The following BCO1 variants were observed in gnomAD, a reference collection of about 807,000 sequenced individuals.
BCO1 encodes the protein beta-carotene oxygenase 1.
A neutral mutation model predicts 56.3 loss-of-function variants in BCO1; 54 were observed. The ratio of observed to expected loss-of-function variants is 0.96; its 90% CI spans 0.77 to 1.20. The LOEUF (loss-of-function observed/expected upper bound fraction) is 1.20. Ranked by LOEUF, BCO1 falls within the 50% of genes most tolerant of loss-of-function variation. The pLI, the probability that BCO1 is intolerant of heterozygous loss-of-function variation, is 0.00. For missense variants in BCO1, 801 were observed against 690.9 expected (o/e 1.16, Z -1.79); for synonymous variants, 318 against 266.1 (o/e 1.20, Z -1.90).
At chr16:81,261,805 C>G (rs1469530670) in intron 3 of BCO1, 1 of 340,026 alleles carries the variant, frequency 2.9e-6, no homozygotes, top group African/African-American at 2.1e-5. Context: ...GTAGTGGCGC[C>G]ATCTCGGTTC....
In BCO1 at chr16:81,287,299, TAA is replaced by T; in HGVS notation, c.1310_1311del (p.Lys437IlefsTer2). The T allele has an allele frequency of 6.2e-7, 1 of 1,611,046 alleles. No individual in the cohort carries two copies. Among genetic ancestry groups the T allele is most frequent in the Non-Finnish European group, 8.5e-7 (1 of 1,177,194 alleles). ...TTTTCCTCGTTGGATGTACAGATAA[TAA>T]AATATGACATTCTCACAAAGTCATC... On this transcript the variant is annotated frameshift_variant, in exon 10 of 11. Coordinates refer to ENST00000258168, the MANE Select transcript of BCO1 (RefSeq NM_017429.3). LOFTEE classifies it high-confidence loss of function.
intron 1 of BCO1, 117 bp downstream of exon 1, chr16:81,239,089 C>A: frequency 2.4e-6 from 2 of 828,346 alleles, no homozygotes; most frequent in Non-Finnish European, 3.8e-6. Context: ...TGATCTCGGC[C>A]CACTGCAACC....
At chr16:81,277,262 C>T (rs1043715617) in intron 7 of BCO1, among the ~76,000 whole-genome samples, 1 of 152,024 alleles carries the variant, frequency 6.6e-6, no homozygotes, top group Admixed American at 6.6e-5. Flanking sequence ...CTTGTACTCT[C>T]CTCCTGGCTC....
intron 7 of BCO1, among the ~76,000 whole-genome samples, chr16:81,271,674 A>G (rs1272354494): frequency 6.6e-6 from 1 of 152,156 alleles, no homozygotes; most frequent in African/African-American, 2.4e-5. Context: ...CCTTTCACAC[A>G]GCACAGTGTT....
At position 81,259,744 on chromosome 16, in the gene BCO1, A is replaced by T; in HGVS notation, c.262A>T (p.Ile88Phe). The change falls in exon 3 of 11, where the codon ATT becomes TTT. Residue 88 changes from isoleucine (I) to phenylalanine (F), a missense_variant. Transcript: ENST00000258168. ...TYNTNIEANR[I>F]VVSEFGTMAY... ...CAACACCAATATTGAGGCAAACAGGATTGTGGTGTCTGAGTTTGGAACAAT... is the reference window on the plus strand; with the variant it reads ...CAACACCAATATTGAGGCAAACAGGTTTGTGGTGTCTGAGTTTGGAACAAT... 2 of 1,614,214 alleles carry T rather than the reference A, an allele frequency of 1.2e-6. No individual in the cohort carries two copies. Among genetic ancestry groups the T allele is most frequent in the Non-Finnish European group, 1.7e-6 (2 of 1,180,026 alleles).
At chr16:81,261,931 A>T (rs978266540) in intron 3 of BCO1, 2 of 539,208 alleles carry the variant, frequency 3.7e-6, no homozygotes, top group Non-Finnish European at 6.7e-6. Flanking sequence ...TTTAGTACAG[A>T]CGGGGTTTCA....
chr16:81,261,856 C>G, intron 3 of BCO1: 1 of 381,378 alleles, frequency 2.6e-6, no homozygotes, highest in Non-Finnish European at 5.1e-6. Context: ...ATTCTCCTGC[C>G]TCAGCCTCCC....
chr16:81,272,524 C>A (rs1261858603), intron 7 of BCO1, among the ~76,000 whole-genome samples: 2 of 152,184 alleles, frequency 1.3e-5, no homozygotes, highest in African/African-American at 4.8e-5. Flanking sequence ...GGCAGGGATT[C>A]ATCACCATTT....
intron 7 of BCO1, among the ~76,000 whole-genome samples, chr16:81,271,323 C>T (rs1259433728): frequency 2.0e-5 from 3 of 151,834 alleles, no homozygotes; most frequent in African/African-American, 7.3e-5. Flanking sequence ...CCATGTTGCT[C>T]AGGCTGTTCT....
At chr16:81,254,740 G>C (rs1399533813) in intron 2 of BCO1, among the ~76,000 whole-genome samples, 2 of 152,222 alleles carry the variant, frequency 1.3e-5, no homozygotes, top group African/African-American at 4.8e-5. Context: ...TACCCTGGAG[G>C]GGGAAGAGGT....
chr16:81,251,286 T>C (rs1253154242), intron 2 of BCO1, among the ~76,000 whole-genome samples: 2 of 148,284 alleles, frequency 1.3e-5, no homozygotes, highest in South Asian at 2.1e-4. Context: ...GGACCAGAGG[T>C]TGTGGTTCAT....
rs771181325 is a variant in BCO1 at position 81,245,559 on chromosome 16, G to A, written c.149G>A (p.Trp50Ter). Residue 50 changes from tryptophan to a stop codon, truncating the protein, a stop_gained, in exon 2 of 11, where the codon TGG becomes TAG. Coordinates refer to ENST00000258168, the MANE Select transcript of BCO1 (RefSeq NM_017429.3). LOFTEE classifies it high-confidence loss of function. Reference protein sequence around the residue: ...HTVGESRYNHWFDGLALLHSF... With the variant: ...HTVGESRYNH Reference sequence around the variant, plus strand: ...GTTGGGGAGTCCAGATACAACCATTGGTTCGACGGCCTTGCCCTGCTCCAC... The same window carrying A: ...GTTGGGGAGTCCAGATACAACCATTAGTTCGACGGCCTTGCCCTGCTCCAC... 1 of 1,614,224 alleles carries A rather than the reference G, an allele frequency of 6.2e-7. No homozygotes were observed. Among genetic ancestry groups the A allele is most frequent in the South Asian group, 1.1e-5 (1 of 91,082 alleles).
chr16:81,249,153 CA>C (rs1905625942), intron 2 of BCO1, among the ~76,000 whole-genome samples: 1 of 145,826 alleles, frequency 6.9e-6, no homozygotes, highest in Non-Finnish European at 1.5e-5. Context: ...TGTGGTGGCG[CA>C]ATCTCGGCTC....
At chr16:81,271,940 T>C (rs1035648572) in intron 7 of BCO1, among the ~76,000 whole-genome samples, 1 of 151,822 alleles carries the variant, frequency 6.6e-6, no homozygotes, top group African/African-American at 2.4e-5. Flanking sequence ...AGAGGTGAAG[T>C]TTCGCCATGT....
At chr16:81,288,920 C>G (rs762117526) in intron 10 of BCO1, among the ~76,000 whole-genome samples, 24 of 152,196 alleles carry the variant, frequency 1.6e-4, no homozygotes, top group African/African-American at 2.2e-4. Flanking sequence ...TGGCATGGCA[C>G]GCCAGGCCAG....
rs1388438457 is a variant in BCO1, at chr16:81,262,122, G to A, written c.324-14G>A. ...ACATAGCCACTGACTCTGTTGATTT[G>A]CTTTTCTCCCCAGAGCTTTCTCCTA... On this transcript the variant is annotated splice_polypyrimidine_tract_variant and intron_variant, in intron 3 of 10. Transcript: ENST00000258168. 4 of 1,613,096 alleles carry A rather than the reference G, an allele frequency of 2.5e-6. No homozygotes were observed. The highest frequency in any genetic ancestry group is 3.4e-6 in the Non-Finnish European group (4 of 1,179,784).
At chr16:81,242,609 C>T (rs999033098) in intron 1 of BCO1, among the ~76,000 whole-genome samples, 2 of 152,104 alleles carry the variant, frequency 1.3e-5, no homozygotes, top group Non-Finnish European at 2.9e-5. Flanking sequence ...TTCTCTCCAT[C>T]CCTGTGGAAT....
At position 81,270,182 on chromosome 16, in the gene BCO1, A is replaced by C; in HGVS notation, c.867A>C (p.Gln289His). The change falls in exon 7 of 11, where the codon CAA (glutamine) becomes CAC (histidine). Residue 289 changes from glutamine (Q) to histidine (H), a missense_variant. Gln to His is a conservative substitution (Grantham distance 24). Transcript: ENST00000258168. ...AGACTTATATCCACATCATCGACCAAAGGACCAGGCAGCCTGTGCAGACCA... is the reference window on the plus strand; with the variant it reads ...AGACTTATATCCACATCATCGACCACAGGACCAGGCAGCCTGTGCAGACCA... The part of the protein sequence containing the change: ...EEKTYIHIID[Q>H]RTRQPVQTKF... The C allele has an allele frequency of 6.2e-7, 1 of 1,614,100 alleles. No homozygotes were observed. Among genetic ancestry groups the C allele is most frequent in the Non-Finnish European group, 8.5e-7 (1 of 1,180,030 alleles).
chr16:81,259,476 A>G (rs1272080794), intron 2 of BCO1, among the ~76,000 whole-genome samples, 200 bp from the exon 3 acceptor site: 1 of 152,206 alleles, frequency 6.6e-6, no homozygotes, highest in African/African-American at 2.4e-5. Context: ...CCTGGGCAAC[A>G]AGAGCAAAAC....
Sources: allele counts gnomAD v4.1 joint callset (sites outside exome capture counted in the v4.1 genomes callset), GRCh38; gene constraint gnomAD v4.1.1; transcripts MANE v1.5; gene names NCBI Gene and HGNC (gene_info 2026-07-23, HGNC 2026-07-21).